ITGB4: variants seen among roughly 807,000 people sequenced by gnomAD.
The protein encoded by ITGB4 is integrin beta-4.
Under a neutral mutation model 207.6 loss-of-function variants are expected in ITGB4, and 159 were observed. That is an observed-to-expected ratio of 0.77 (90% CI 0.67 to 0.87). ITGB4 has a LOEUF of 0.87. Among genes scored for constraint, ITGB4 ranks in the 40% least tolerant of loss-of-function variants. The pLI is 0.00. For synonymous variants in ITGB4, 1,020 were observed against 1,062.7 expected, an observed-to-expected ratio of 0.96 and a Z score of 0.78; for missense variants, 2,278 against 2,546.8, an observed-to-expected ratio of 0.89 and a Z score of 2.27.
At position 75,721,625 on chromosome 17, in the gene ITGB4, C is replaced by T. The variant is rs919564668; in HGVS notation, c.-11+13C>T. ...TGGCCGGGAGAGGGTGAGTGCCCGC[C>T]CCAGCTGGGCAGCCGCGCAGGGGAG... is the stretch of plus-strand genomic sequence containing the variant. On this transcript the variant is annotated intron_variant, in intron 1 of 39. Transcript: ENST00000200181. 3.3e-5 allele frequency: 5 copies of T among 152,552 alleles called. No individual in the cohort carries two copies. The highest frequency in any genetic ancestry group is 2.1e-4 in the South Asian group (1 of 4,838). 9.4% of individuals were successfully genotyped at this position (152,552 alleles called of 1,614,324 possible).
intron 1 of ITGB4, 53 bp from the exon 2 acceptor site, chr17:75,724,641 G>C (rs1004519711): frequency 7.6e-7 from 1 of 1,321,710 alleles, no homozygotes; most frequent in Admixed American, 1.7e-5. Context: ...GGAAGCTGAC[G>C]GCACCGACCA....
At position 75,731,758 on chromosome 17, in the gene ITGB4, G is replaced by C; in HGVS notation, c.1216-54G>C. On this transcript the variant is annotated intron_variant, in intron 10 of 39. Coordinates refer to ENST00000200181, the MANE Select transcript of ITGB4 (RefSeq NM_000213.5). The surrounding 1 kb of genome is among the most constrained non-coding windows in gnomAD (Gnocchi z 6.8). Reference sequence around the variant, plus strand: ...GGCCGAGGGCCTTCAGGCATCGATGGCCCCCTGGTCCTTGGGGCTGGGCCT... The same window carrying C: ...GGCCGAGGGCCTTCAGGCATCGATGCCCCCCTGGTCCTTGGGGCTGGGCCT... 1 of 1,515,212 alleles carries C rather than the reference G, an allele frequency of 6.6e-7. No homozygotes were observed. Among genetic ancestry groups the C allele is most frequent in the Non-Finnish European group, 8.9e-7 (1 of 1,126,290 alleles). 93.9% of individuals were successfully genotyped at this position (1,515,212 alleles called of 1,614,324 possible).
Position 75,742,746 on chromosome 17 carries a change from A to G in ITGB4, c.2947A>G (p.Ile983Val), listed in dbSNP as rs2061142980. 1.2e-6 allele frequency: 2 copies of G among 1,610,266 alleles called. No homozygotes were observed. The highest frequency in any genetic ancestry group is 2.7e-5 in the African/African-American group (2 of 74,908). ...TLGRRLVNITIIKEQARDVVS... is the reference protein window; with the variant it reads ...TLGRRLVNITVIKEQARDVVS... ...CGGCCGCCGCCTGGTAAACATCACCATCATCAAGGAGCAAGGTGGGTCTGG... is the reference window on the plus strand; with the variant it reads ...CGGCCGCCGCCTGGTAAACATCACCGTCATCAAGGAGCAAGGTGGGTCTGG... The change falls in exon 25 of 40, where the codon ATC becomes GTC. Residue 983 changes from isoleucine (I) to valine (V), a missense_variant. Ile to Val is a conservative substitution (Grantham distance 29). Coordinates refer to ENST00000200181, the MANE Select transcript of ITGB4 (RefSeq NM_000213.5). This position sits in a 1 kb window ranked among gnomAD's most constrained non-coding sequence, Gnocchi z 5.9.
intron 18 of ITGB4, among the ~76,000 whole-genome samples, chr17:75,738,117 T>C (rs1401706991): frequency 4.6e-5 from 7 of 152,110 alleles, no homozygotes; most frequent in African/African-American, 1.7e-4. Context: ...GATCATAGAA[T>C]TGACCTCAGA....
chr17:75,737,522 G>C lies in ITGB4; in HGVS notation c.2114-16G>C. Reference sequence around the variant, plus strand: ...GGGAGGACAGGCACCACCTCCCCCTGCCTCCTCCTCTCCAGACTGCCCTCC... The same window carrying C: ...GGGAGGACAGGCACCACCTCCCCCTCCCTCCTCCTCTCCAGACTGCCCTCC... On this transcript the variant is annotated splice_polypyrimidine_tract_variant and intron_variant, in intron 17 of 39. Coordinates refer to ENST00000200181, the MANE Select transcript of ITGB4 (RefSeq NM_000213.5). The C allele has an allele frequency of 1.3e-6, 2 of 1,561,076 alleles. No individual in the cohort carries two copies. The highest frequency in any genetic ancestry group is 1.7e-6 in the Non-Finnish European group (2 of 1,153,070).
chr17:75,748,168 C>T (rs112421731), intron 26 of ITGB4, among the ~76,000 whole-genome samples: 2 of 130,054 alleles, frequency 1.5e-5, no homozygotes, highest in African/African-American at 5.6e-5. Context: ...CAAGACCAGC[C>T]TAGGCAACAT....
At chr17:75,723,972 C>A (rs561493952) in intron 1 of ITGB4, among the ~76,000 whole-genome samples, 1 of 152,222 alleles carries the variant, frequency 6.6e-6, no homozygotes, top group Non-Finnish European at 1.5e-5. Context: ...AACCCACAGC[C>A]GCTGGGGACG....
rs1177352883 is a variant in ITGB4, at chr17:75,728,525, C to A, written c.566+52C>A. On this transcript the variant is annotated intron_variant, in intron 6 of 39. Transcript: ENST00000200181. Reference sequence around the variant, plus strand: ...TGGGCAAGGGTCCAGGCCATGTGACCCCCACTCCTCTTTCACCCACAACTT... The same window carrying A: ...TGGGCAAGGGTCCAGGCCATGTGACACCCACTCCTCTTTCACCCACAACTT... 3.7e-6 allele frequency: 5 copies of A among 1,360,750 alleles called. No individual in the cohort carries two copies. In the South Asian group the frequency reaches 5.8e-5, roughly 16 times the overall value. The allele number at this position is 1,360,750 out of a possible 1,614,324, so 84.3% of individuals were successfully genotyped here.
rs935233504 is a variant in ITGB4 at position 75,757,086 on chromosome 17, A to T, written c.5197A>T (p.Thr1733Ser). ...GFGPEREGII[T>S]IESQDGGPFP... ...CGGGCCAGAGCGCGAGGGCATCATC[A>T]CCATAGAGTCCCAGGATGGAGGTAG... The change falls in exon 38 of 40, where the codon ACC (threonine) becomes TCC (serine). Residue 1733 changes from threonine to serine, a missense_variant. Transcript: ENST00000200181. 1 of 1,612,720 alleles carries T rather than the reference A, an allele frequency of 6.2e-7. No individual in the cohort carries two copies. Among genetic ancestry groups the T allele is most frequent in the Non-Finnish European group, 8.5e-7 (1 of 1,179,874 alleles).
At chr17:75,724,959 G>A (rs2060688857) in intron 2 of ITGB4, among the ~76,000 whole-genome samples, 177 bp downstream of exon 2, 3 of 152,354 alleles carry the variant, frequency 2.0e-5, no homozygotes, top group Admixed American at 1.3e-4. Context: ...GCCTAGAGAA[G>A]CTTGAGCCCT....
Position 75,732,113 on chromosome 17 carries a change from C to A in ITGB4, c.1378-50C>A. 6.2e-7 allele frequency: 1 copy of A among 1,608,634 alleles called. No individual in the cohort carries two copies. Among genetic ancestry groups the A allele is most frequent in the Non-Finnish European group, 8.5e-7 (1 of 1,175,446 alleles). ...ACAGGAGAGCGGAAGTGTCCAGTGG[C>A]CCCGGTCCTGCTCCCCCGACGCACC... On this transcript the variant is annotated intron_variant, in intron 11 of 39. Transcript: ENST00000200181. This position sits in a 1 kb window ranked among gnomAD's most constrained non-coding sequence, Gnocchi z 5.3.
At position 75,724,755 on chromosome 17, in the gene ITGB4, A is replaced by G; in HGVS notation, c.52A>G (p.Ile18Val). ...GGCCAGGCTGCTCCTGGCAGCCTTG[A>G]TCAGCGTCAGCCTCTCTGGGACCTT... ...PWARLLLAALISVSLSGTLAN... is the reference protein window; with the variant it reads ...PWARLLLAALVSVSLSGTLAN... The change falls in exon 2 of 40, where the codon ATC (isoleucine) becomes GTC (valine). Residue 18 changes from isoleucine (I) to valine (V), a missense_variant. Physicochemically the swap from Ile to Val is conservative, Grantham distance 29. Transcript: ENST00000200181. The G allele has an allele frequency of 1.9e-6, 3 of 1,613,776 alleles. No homozygotes were observed. Among genetic ancestry groups the G allele is most frequent in the Non-Finnish European group, 2.5e-6 (3 of 1,180,024 alleles).
In ITGB4 at chr17:75,750,546, A is replaced by G. The variant is rs959355429; in HGVS notation, c.3475-134A>G. Reference sequence around the variant, plus strand: ...TCTGCCCTAGTCCTGACGTGTGCACATGGCAGATCTCTCAGCCCCTCCCTC... The same window carrying G: ...TCTGCCCTAGTCCTGACGTGTGCACGTGGCAGATCTCTCAGCCCCTCCCTC... On this transcript the variant is annotated intron_variant, in intron 28 of 39. Coordinates refer to ENST00000200181, the MANE Select transcript of ITGB4 (RefSeq NM_000213.5). This position sits in a 1 kb window ranked among gnomAD's most constrained non-coding sequence, Gnocchi z 5.5. The G allele has an allele frequency of 2.3e-6, 2 of 878,358 alleles. No individual in the cohort carries two copies. Among genetic ancestry groups the G allele is most frequent in the Non-Finnish European group, 3.6e-6 (2 of 549,304 alleles). The allele number at this position is 878,358 out of a possible 1,614,324, so 54.4% of individuals were successfully genotyped here. A position where few individuals can be genotyped will look rare whatever the true frequency, so the allele number is the denominator to read the frequency against.
intron 34 of ITGB4, 67 bp downstream of exon 34, chr17:75,754,882 G>C (rs187524227): frequency 4.4e-6 from 7 of 1,607,898 alleles, no homozygotes; most frequent in African/African-American, 1.3e-5. Context: ...CTGGAGCCTC[G>C]GGCTTCTGTC....
Position 75,751,020 on chromosome 17 carries a change from G to A in ITGB4, c.3702G>A (p.Thr1234=), listed in dbSNP as rs753829484. 49 of 1,613,772 alleles carry A rather than the reference G, an allele frequency of 3.0e-5. No individual in the cohort carries two copies. Among genetic ancestry groups the A allele is most frequent in the Non-Finnish European group, 3.6e-5 (43 of 1,180,044 alleles). Residue 1234 remains threonine, a synonymous_variant, in exon 30 of 40, where the codon ACG becomes ACA. Transcript: ENST00000200181. ...GRLAFNVVSS[T]VTQLSWAEPA... The stretch of plus-strand genomic sequence containing the variant: ...TGGCCTTCAATGTCGTCTCCTCCAC[G>A]GTGACCCAGCTGAGCTGGGCTGAGC...
At position 75,730,465 on chromosome 17, in the gene ITGB4, C is replaced by T; in HGVS notation, c.963C>T (p.Pro321=). Residue 321 remains proline (P), a synonymous_variant, in exon 8 of 40, where the codon CCC becomes CCT. Transcript: ENST00000200181. The stretch of plus-strand genomic sequence containing the variant: ...TGCTCGCCAAGCACAACATCATCCC[C>T]ATCTTTGCTGTCACCAACTACTCCT... ...VRLLAKHNII[P]IFAVTNYSYS... 1.2e-6 allele frequency: 2 copies of T among 1,614,054 alleles called. No individual in the cohort carries two copies. The highest frequency in any genetic ancestry group is 2.2e-5 in the South Asian group (2 of 91,076).
Position 75,756,422 on chromosome 17 carries a change from C to A in ITGB4, c.4709-7C>A. The A allele has an allele frequency of 6.2e-7, 1 of 1,612,860 alleles. No homozygotes were observed. The highest frequency in any genetic ancestry group is 1.1e-5 in the South Asian group (1 of 91,074). On this transcript the variant is annotated splice_polypyrimidine_tract_variant and splice_region_variant and intron_variant, in intron 35 of 39. Transcript: ENST00000200181. ...CACTACTGTGTGCCCCCACCTGATC[C>A]CCCCAGGTGAGCTGCATCGGCTCAA...
chr17:75,756,989 G>A lies in ITGB4; in HGVS notation c.5100G>A (p.Arg1700=). 1 of 1,612,802 alleles carries A rather than the reference G, an allele frequency of 6.2e-7. No homozygotes were observed. The highest frequency in any genetic ancestry group is 8.5e-7 in the Non-Finnish European group (1 of 1,179,954). The change falls in exon 38 of 40, where the codon CGG becomes CGA. Residue 1700 remains arginine (R), a synonymous_variant. Coordinates refer to ENST00000200181, the MANE Select transcript of ITGB4 (RefSeq NM_000213.5). ...TGGATGGAGACAGCCCCGAGAGCCG[G>A]CTGACCGTGCCGGGCCTCAGCGAGA... ...FRVDGDSPES[R]LTVPGLSENV... is the part of the protein sequence containing the mutation.
rs371218432 is a variant in ITGB4 at position 75,743,896 on chromosome 17, G to C, written c.3111+35G>C. 13 of 1,547,224 alleles carry C rather than the reference G, an allele frequency of 8.4e-6. No individual in the cohort carries two copies. The African/African-American group carries it at 1.5e-4, about 18-fold the overall frequency. On this transcript the variant is annotated intron_variant, in intron 26 of 39. Coordinates refer to ENST00000200181, the MANE Select transcript of ITGB4 (RefSeq NM_000213.5). ...CGCCACAGGGTCGAGGGTGCAGCCC[G>C]GGGGGCTGCGTGGGCACCGCATTGG... is the stretch of plus-strand genomic sequence containing the variant.
Sources: allele counts gnomAD v4.1 joint callset (sites outside exome capture counted in the v4.1 genomes callset), GRCh38; gene constraint gnomAD v4.1.1; non-coding constraint Gnocchi (gnomAD v3.1); transcripts MANE v1.5; gene names NCBI Gene and HGNC (gene_info 2026-07-23, HGNC 2026-07-21).